The following TCF20 variants were observed in gnomAD, a reference collection of about 807,000 sequenced individuals.
TCF20 encodes SPRE-binding protein.
TCF20 carries 3 observed loss-of-function variants against 148.6 expected under a neutral mutation model. The observed-to-expected ratio is 0.02, with a 90% CI of 0.01 to 0.05. The LOEUF is 0.05. Ranked by LOEUF, TCF20 falls within the 10% of genes least tolerant of loss-of-function variation. The pLI is 1.00. For missense variants in TCF20, 2,350 were observed against 2,429.3 expected, an observed-to-expected ratio of 0.97 and a Z score of 0.69; for synonymous variants, 1,049 against 909.5, an observed-to-expected ratio of 1.15 and a Z score of -2.76.
Position 42,232,467 on chromosome 22 carries a change from T to TA in TCF20, c.-36-17127dup, listed in dbSNP as rs550388786. On this transcript the variant is annotated intron_variant, in intron 1 of 5. Coordinates refer to ENST00000677622, the MANE Select transcript of TCF20 (RefSeq NM_001378418.1). ...AGATGAAAATTAGAAAGACGACTGATATTCATTCAACTGCTGACAACAGAT... is the reference window on the plus strand; with the variant it reads ...AGATGAAAATTAGAAAGACGACTGATAATTCATTCAACTGCTGACAACAGAT... Among the ~76,000 whole-genome samples, 31 of 151,910 alleles carry TA rather than the reference T, an allele frequency of 2.0e-4. No individual in the cohort carries two copies. The South Asian group carries it at 6.2e-3, about 31-fold the overall frequency.
intron 1 of TCF20, among the ~76,000 whole-genome samples, chr22:42,334,661 C>T (rs960588323): frequency 2.6e-5 from 4 of 152,212 alleles, no homozygotes; most frequent in East Asian, 1.9e-4. Context: ...ATGAGCCAGG[C>T]GCTGCACTGA....
chr22:42,175,336 G>C (rs1055077156), intron 3 of TCF20, among the ~76,000 whole-genome samples: 1 of 151,938 alleles, frequency 6.6e-6, no homozygotes, highest in Non-Finnish European at 1.5e-5. Flanking sequence ...TAGTTAACTG[G>C]TTAGCTCTCT....
At chr22:42,339,616 C>T (rs999998305) in intron 1 of TCF20, among the ~76,000 whole-genome samples, 9 of 152,234 alleles carry the variant, frequency 5.9e-5, no homozygotes, top group African/African-American at 1.7e-4. Context: ...ATTACTACTG[C>T]GGGATTCCCA....
intron 1 of TCF20, among the ~76,000 whole-genome samples, chr22:42,219,716 C>T (rs1003350966): frequency 4.6e-5 from 7 of 152,078 alleles, no homozygotes; most frequent in Admixed American, 4.6e-4. Context: ...ATTAGCCAGG[C>T]ATGGTGATGC....
At chr22:42,218,185 A>G (rs1322961903) in intron 1 of TCF20, among the ~76,000 whole-genome samples, 1 of 152,252 alleles carries the variant, frequency 6.6e-6, no homozygotes, top group Non-Finnish European at 1.5e-5. Flanking sequence ...AAACAGAAGC[A>G]GAGTTCACAA....
At chr22:42,277,883 A>G (rs1283255485) in intron 1 of TCF20, among the ~76,000 whole-genome samples, 1 of 152,248 alleles carries the variant, frequency 6.6e-6, no homozygotes, top group Admixed American at 6.5e-5. Flanking sequence ...TCTCAAAGGC[A>G]AGGCTGACCT....
chr22:42,329,643 C>T (rs1252582007), intron 1 of TCF20, among the ~76,000 whole-genome samples: 4 of 152,174 alleles, frequency 2.6e-5, no homozygotes, highest in Non-Finnish European at 4.4e-5. Context: ...TGGATCGCCA[C>T]CCAGGAGGCC....
At chr22:42,282,265 A>T (rs1365890989) in intron 1 of TCF20, among the ~76,000 whole-genome samples, 3 of 151,788 alleles carry the variant, frequency 2.0e-5, no homozygotes, top group Admixed American at 2.0e-4. Context: ...GGTAAAACTC[A>T]CTCCACCATG....
At chr22:42,207,409 T>TGCTG (rs750277164) in intron 2 of TCF20, among the ~76,000 whole-genome samples, 5 of 152,128 alleles carry the variant, frequency 3.3e-5, no homozygotes, top group African/African-American at 4.8e-5. Flanking sequence ...AAGACCCATA[T>TGCTG]GCTGGCTGGC....
chr22:42,283,582 G>T (rs1926960090), intron 1 of TCF20, among the ~76,000 whole-genome samples: 1 of 151,908 alleles, frequency 6.6e-6, no homozygotes, highest in Non-Finnish European at 1.5e-5. Flanking sequence ...GCCCTCCATC[G>T]CTCTTTATGG....
chr22:42,171,347 T>G (rs1936121195), intron 3 of TCF20, among the ~76,000 whole-genome samples: 1 of 152,198 alleles, frequency 6.6e-6, no homozygotes, highest in Non-Finnish European at 1.5e-5. Flanking sequence ...AGATCCAGAC[T>G]AGCAGCCTGT....
rs768771719 is a variant in TCF20, at chr22:42,211,588, G to C, written c.3718C>G (p.Pro1240Ala). The change falls in exon 2 of 6, where the codon CCA becomes GCA. Residue 1240 changes from proline (P) to alanine (A), a missense_variant. Around this residue, in one of 7 missense-constraint regions of TCF20, gnomAD observed 1,641 missense variants for 1,662.6 expected, o/e 0.99. Transcript: ENST00000677622. ...SKPGSVMLRL[P>A]GQEDHSSQNP... is the part of the protein sequence containing the mutation. ...TGAGAAGAATGATCCTCCTGGCCTG[G>C]AAGTCTCAGCATAACACTACCAGGT... The C allele has an allele frequency of 3.8e-5, 61 of 1,614,168 alleles. No homozygotes were observed. In the East Asian group the frequency reaches 6.2e-4, roughly 17 times the overall value.
At chr22:42,336,152 G>A (rs1376980510) in intron 1 of TCF20, among the ~76,000 whole-genome samples, 1 of 152,222 alleles carries the variant, frequency 6.6e-6, no homozygotes. Context: ...GGCAGCAGGA[G>A]ACATCACTTA....
At chr22:42,181,843 C>CTTG (rs939405555) in intron 2 of TCF20, among the ~76,000 whole-genome samples, 4 of 151,826 alleles carry the variant, frequency 2.6e-5, no homozygotes, top group Non-Finnish European at 5.9e-5. Context: ...AACTCCTGGG[C>CTTG]TCAAGCAATT....
rs564908795 is a variant in TCF20 at position 42,299,324 on chromosome 22, C to A, written c.-37+44155G>T. Among the ~76,000 whole-genome samples the A allele has an allele frequency of 6.6e-6, 1 of 152,160 alleles. No homozygotes were observed. The highest frequency in any genetic ancestry group is 2.1e-4 in the South Asian group (1 of 4,830). On this transcript the variant is annotated intron_variant, in intron 1 of 1. Transcript: ENST00000515426. The surrounding 1 kb of genome is among the most constrained non-coding windows in gnomAD (Gnocchi z 4.1). Reference sequence around the variant, plus strand: ...CTGAGGGTCCTTCCCAGCCCCTCTCCCCACATCCAGCCCCCTGCTCTGGCA... The same window carrying A: ...CTGAGGGTCCTTCCCAGCCCCTCTCACCACATCCAGCCCCCTGCTCTGGCA...
chr22:42,276,292 G>C (rs1310101118), intron 1 of TCF20: 1 of 152,158 alleles, frequency 6.6e-6, no homozygotes, highest in African/African-American at 2.4e-5. Flanking sequence ...CCCTGTGCTT[G>C]GGGATCCATA....
intron 2 of TCF20, among the ~76,000 whole-genome samples, chr22:42,198,747 C>A (rs889584983): frequency 6.6e-6 from 1 of 151,420 alleles, no homozygotes; most frequent in African/African-American, 2.4e-5. Context: ...CTGCAAGCTC[C>A]GCCTCCTGGG....
In TCF20 at chr22:42,292,917, CT is replaced by C. The variant is rs1463688832; in HGVS notation, c.-37+50561del. Reference sequence around the variant, plus strand: ...GCTGGATACTAGATCCCACATCCCCCTCCCACTCTGTCCTGCCCACCAGGAG... The same window carrying C: ...GCTGGATACTAGATCCCACATCCCCCCCCACTCTGTCCTGCCCACCAGGAG... On this transcript the variant is annotated intron_variant, in intron 1 of 1. Transcript: ENST00000515426. This position sits in a 1 kb window ranked among gnomAD's most constrained non-coding sequence, Gnocchi z 4.9. 2.0e-5 allele frequency among the ~76,000 whole-genome samples: 3 copies of C among 150,838 alleles called. No individual in the cohort carries two copies. In the East Asian group the frequency reaches 5.8e-4, roughly 29 times the overall value.
At chr22:42,204,366 G>A (rs1441787648) in intron 2 of TCF20, among the ~76,000 whole-genome samples, 4 of 151,966 alleles carry the variant, frequency 2.6e-5, no homozygotes, top group African/African-American at 4.8e-5. Context: ...GTGGTGGCAC[G>A]CACCTGTAAT....
Sources: allele counts gnomAD v4.1 joint callset (sites outside exome capture counted in the v4.1 genomes callset), GRCh38; gene constraint gnomAD v4.1.1; regional missense constraint gnomAD v4.1.1; non-coding constraint Gnocchi (gnomAD v3.1); transcripts MANE v1.5; gene names NCBI Gene and HGNC (gene_info 2026-07-23, HGNC 2026-07-21).